The following ZDHHC15 variants were observed in gnomAD, a reference collection of about 807,000 sequenced individuals.
ZDHHC15 encodes zDHHC palmitoyltransferase 15.
Under a neutral mutation model 31.7 loss-of-function variants are expected in ZDHHC15, and 19 were observed. The ratio of observed to expected loss-of-function variants is 0.60; its 90% confidence interval spans 0.42 to 0.88. The LOEUF (loss-of-function observed/expected upper bound fraction) is 0.88, where lower values mean the gene tolerates loss of function less well. Ranked by LOEUF, ZDHHC15 falls within the 40% of genes least tolerant of loss-of-function variation. The probability of loss-of-function intolerance (pLI) is 0.00; values close to 1 mark genes in which losing one functional copy is unlikely to be tolerated. For missense variants in ZDHHC15, 209 were observed against 251.2 expected, an observed-to-expected ratio of 0.83 and a Z score of 1.14; for synonymous variants, 103 against 90.0, an observed-to-expected ratio of 1.14 and a Z score of -0.82.
At chrX:75,483,947 G>T (rs906221143) in intron 2 of ZDHHC15, among the ~76,000 whole-genome samples, 3 of 110,989 alleles carry the variant, frequency 2.7e-5, no homozygotes, top group Non-Finnish European at 5.7e-5. Flanking sequence ...ATCACAACGT[G>T]GTTCCCTCAG....
At chrX:75,393,789 A>G (rs938888881) in intron 10 of ZDHHC15, among the ~76,000 whole-genome samples, 11 of 111,667 alleles carry the variant, frequency 9.9e-5, no homozygotes, top group Admixed American at 1.9e-4. Flanking sequence ...GAGTTTATTA[A>G]GTATTATACC....
intron 10 of ZDHHC15, among the ~76,000 whole-genome samples, chrX:75,399,442 C>A (rs1047489818): frequency 8.9e-6 from 1 of 112,123 alleles, no homozygotes; most frequent in African/African-American, 3.2e-5. Flanking sequence ...CTAAACACCA[C>A]CCATGGCTCA....
intron 10 of ZDHHC15, among the ~76,000 whole-genome samples, chrX:75,408,331 G>T (rs1326902746): frequency 8.9e-6 from 1 of 111,869 alleles, no homozygotes; most frequent in Non-Finnish European, 1.9e-5. Context: ...GCATCACATT[G>T]ACAGAACCAA....
rs189679509 is a variant in ZDHHC15 at position 75,382,833 on chromosome X, G to T, written c.968-3635C>A. 4.5e-5 allele frequency among the ~76,000 whole-genome samples: 5 copies of T among 111,495 alleles called. No individual in the cohort carries two copies. In the Admixed American group the frequency reaches 4.8e-4, roughly 11 times the overall value. ...GACATCTGTCCCATCAGTGTAAGGT[G>T]GTATCAAAATGTGATATTATAATTG... On this transcript the variant is annotated intron_variant, in intron 10 of 11. Transcript: ENST00000373367.
chrX:75,438,117 A>G, intron 4 of ZDHHC15, among the ~76,000 whole-genome samples: 1 of 112,046 alleles, frequency 8.9e-6, no homozygotes. Flanking sequence ...ATCATTAAAA[A>G]GTCAGGAAAC....
intron 10 of ZDHHC15, among the ~76,000 whole-genome samples, chrX:75,405,339 AC>A (rs1224398729): frequency 3.6e-5 from 4 of 111,098 alleles, no homozygotes; most frequent in African/African-American, 1.3e-4. Flanking sequence ...ACATGAGTTT[AC>A]CTATATAAGA....
chrX:75,384,261 T>C (rs2083155809), intron 10 of ZDHHC15: 3 of 515,424 alleles, frequency 5.8e-6, no homozygotes, highest in South Asian at 2.6e-5. Context: ...AATGTTAGTA[T>C]AGGCCAAGGT....
At chrX:75,506,788 T>A (rs980274677) in intron 1 of ZDHHC15, among the ~76,000 whole-genome samples, 3 of 112,210 alleles carry the variant, frequency 2.7e-5, no homozygotes, top group Non-Finnish European at 5.6e-5. Context: ...ATTTCTTTTT[T>A]AAAAAACTTT....
intron 7 of ZDHHC15, 77 bp downstream of exon 7, chrX:75,428,997 AAGAT>A: frequency 3.5e-6 from 4 of 1,140,861 alleles, no homozygotes; most frequent in Non-Finnish European, 4.7e-6. Context: ...AAAATGTAAA[AAGAT>A]AGAGGGTGAA....
intron 2 of ZDHHC15, among the ~76,000 whole-genome samples, chrX:75,487,151 C>G (rs968191158): frequency 8.9e-6 from 1 of 112,028 alleles, no homozygotes; most frequent in Non-Finnish European, 1.9e-5. Context: ...CCATGTCCTA[C>G]AACACCCTGG....
intron 8 of ZDHHC15, among the ~76,000 whole-genome samples, chrX:75,424,319 A>T (rs780703566): frequency 2.7e-5 from 3 of 110,826 alleles, no homozygotes; most frequent in Non-Finnish European, 5.7e-5. Flanking sequence ...TTCTGTACTG[A>T]TTCTTTCTTT....
chrX:75,404,530 A>G (rs900463105), intron 10 of ZDHHC15, among the ~76,000 whole-genome samples: 3 of 112,041 alleles, frequency 2.7e-5, no homozygotes, highest in Non-Finnish European at 5.6e-5. Flanking sequence ...TAAATTTACA[A>G]GAGAGAAACA....
chrX:75,442,670 C>T (rs899973542), intron 4 of ZDHHC15, among the ~76,000 whole-genome samples: 1 of 112,033 alleles, frequency 8.9e-6, no homozygotes, highest in African/African-American at 3.2e-5. Context: ...AAATGAAGAA[C>T]ATTCCATGCT....
chrX:75,435,672 T>C (rs1162591428), intron 4 of ZDHHC15, among the ~76,000 whole-genome samples: 1 of 112,442 alleles, frequency 8.9e-6, no homozygotes, highest in African/African-American at 3.2e-5. Context: ...AAACCAACCC[T>C]GAATCCATGG....
intron 10 of ZDHHC15, chrX:75,384,279 A>T (rs2147764220): frequency 3.6e-6 from 2 of 549,898 alleles, no homozygotes; most frequent in East Asian, 6.9e-5. Flanking sequence ...GGTATCTTGA[A>T]TTCCTATATA....
At chrX:75,413,879 A>G (rs1208182917) in intron 10 of ZDHHC15, among the ~76,000 whole-genome samples, 2 of 109,419 alleles carry the variant, frequency 1.8e-5, no homozygotes, top group Non-Finnish European at 3.8e-5. Context: ...TCTGACCCAC[A>G]GCAGTTTTCA....
chrX:75,459,058 A>G (rs1485094232), intron 3 of ZDHHC15, among the ~76,000 whole-genome samples: 3 of 106,450 alleles, frequency 2.8e-5, no homozygotes, highest in African/African-American at 1.0e-4. Context: ...CACCCTGCTC[A>G]GGAAATCACT....
intron 2 of ZDHHC15, among the ~76,000 whole-genome samples, chrX:75,495,132 C>T (rs943245184): frequency 2.7e-5 from 3 of 111,649 alleles, no homozygotes; most frequent in Non-Finnish European, 5.7e-5. Context: ...ATTTGAATAG[C>T]CACTTCTCAA....
rs999697485 is a variant in ZDHHC15, at chrX:75,372,727, A to T, written c.*251T>A. 2 of 111,767 alleles carry T rather than the reference A, an allele frequency of 1.8e-5. No individual in the cohort carries two copies. The highest frequency in any genetic ancestry group is 3.8e-5 in the Non-Finnish European group (2 of 53,056). The allele number at this position is 111,767 out of a possible 1,213,427, so 9.2% of individuals were successfully genotyped here. ...ATTGGGGGAGGGGAAATGAAGAAAC[A>T]AAAAAAATTGGCTTGAATTAACTGC... On this transcript the variant is annotated 3_prime_UTR_variant, in exon 12 of 12. Transcript: ENST00000373367.
Sources: gnomAD v4.1 joint callset for allele counts (sites outside exome capture counted in the v4.1 genomes callset) on GRCh38, gnomAD v4.1.1 for gene constraint, MANE v1.5 for transcripts, NCBI Gene and HGNC (gene_info 2026-07-23, HGNC 2026-07-21) for gene names.